GALNT17: variants seen among roughly 807,000 people sequenced by gnomAD.
The protein encoded by GALNT17 is UDP-GalNAc:polypeptide N-acetylgalactosaminyltransferase-like 3.
A neutral mutation model predicts 63.7 loss-of-function variants in GALNT17; 29 were observed. The observed-to-expected ratio is 0.46, with a 90% CI of 0.34 to 0.62. The LOEUF is 0.62. Among genes scored for constraint, GALNT17 ranks in the 20% least tolerant of loss-of-function variants. The pLI, the probability that GALNT17 is intolerant of heterozygous loss-of-function variation, is 0.01. For synonymous variants in GALNT17, 305 were observed against 318.3 expected (o/e 0.96, Z 0.45); for missense variants, 603 against 799.6 (o/e 0.75, Z 2.97).
chr7:71,249,807 G>A (rs574550998), intron 1 of GALNT17, among the ~76,000 whole-genome samples: 10 of 152,316 alleles, frequency 6.6e-5, no homozygotes, highest in African/African-American at 1.9e-4. Context: ...TATGATACTC[G>A]CTTCGCGAAG....
chr7:71,542,690 C>A, intron 5 of GALNT17, among the ~76,000 whole-genome samples: 1 of 73,710 alleles, frequency 1.4e-5, no homozygotes, highest in African/African-American at 5.7e-5. Flanking sequence ...AGTGAGACTC[C>A]CTGTCAAAAA....
intron 9 of GALNT17, among the ~76,000 whole-genome samples, chr7:71,700,140 C>T (rs1791609076): frequency 6.6e-6 from 1 of 151,600 alleles, no homozygotes; most frequent in African/African-American, 2.4e-5. Context: ...AAAAATACAA[C>T]AACAACAACA....
At chr7:71,661,829 C>T (rs1325134348) in intron 6 of GALNT17, among the ~76,000 whole-genome samples, 2 of 152,152 alleles carry the variant, frequency 1.3e-5, no homozygotes, top group Admixed American at 1.3e-4. Context: ...AGTGTGCTGG[C>T]TGATATCCAC....
intron 1 of GALNT17, among the ~76,000 whole-genome samples, chr7:71,149,870 C>T (rs1281926005): frequency 1.3e-5 from 2 of 152,122 alleles, no homozygotes; most frequent in African/African-American, 4.8e-5. Flanking sequence ...ATCATGGTGG[C>T]TTTAATTGGG....
chr7:71,675,143 C>A (rs1295210071), intron 8 of GALNT17, among the ~76,000 whole-genome samples: 11 of 152,086 alleles, frequency 7.2e-5, no homozygotes, highest in Admixed American at 7.2e-4. Flanking sequence ...GAGATTGCGC[C>A]ACTGCATTCC....
At chr7:71,201,392 G>T (rs1171678979) in intron 1 of GALNT17, among the ~76,000 whole-genome samples, 3 of 151,732 alleles carry the variant, frequency 2.0e-5, no homozygotes, top group African/African-American at 7.3e-5. Flanking sequence ...TTTATTGAGT[G>T]AATGAATGTT....
At chr7:71,586,468 A>G (rs1006792020) in intron 6 of GALNT17, among the ~76,000 whole-genome samples, 2 of 152,216 alleles carry the variant, frequency 1.3e-5, no homozygotes, top group Non-Finnish European at 2.9e-5. Flanking sequence ...TGGGACTGGT[A>G]TGAGCATTCA....
chr7:71,691,228 C>T (rs1043003040), intron 9 of GALNT17, among the ~76,000 whole-genome samples: 11 of 152,156 alleles, frequency 7.2e-5, no homozygotes, highest in Admixed American at 3.9e-4. Context: ...AACATCAAGC[C>T]GTGACCCTCC....
intron 6 of GALNT17, among the ~76,000 whole-genome samples, chr7:71,639,608 G>A (rs893283778): frequency 7.9e-5 from 12 of 152,168 alleles, no homozygotes; most frequent in South Asian, 2.1e-4. Flanking sequence ...AATTGTGAAC[G>A]GCCCGGGAAA....
intron 1 of GALNT17, among the ~76,000 whole-genome samples, chr7:71,145,385 A>G (rs570826407): frequency 6.6e-6 from 1 of 152,250 alleles, no homozygotes; most frequent in South Asian, 2.1e-4. Context: ...AGTCCCAGCT[A>G]CTCAGGAGGC....
chr7:71,324,550 T>C (rs534242569), intron 1 of GALNT17, among the ~76,000 whole-genome samples: 2 of 152,164 alleles, frequency 1.3e-5, no homozygotes, highest in South Asian at 4.2e-4. Flanking sequence ...CCCAGCTACT[T>C]GGGAGGTTGA....
chr7:71,177,166 G>A (rs1788654603), intron 1 of GALNT17, among the ~76,000 whole-genome samples: 1 of 152,056 alleles, frequency 6.6e-6, no homozygotes, highest in African/African-American at 2.4e-5. Context: ...ATATGTTCGA[G>A]GACATTTACA....
At chr7:71,399,805 A>G (rs960718919) in intron 3 of GALNT17, among the ~76,000 whole-genome samples, 1 of 151,802 alleles carries the variant, frequency 6.6e-6, no homozygotes, top group African/African-American at 2.4e-5. Flanking sequence ...AATCTTTGCC[A>G]TCTTTGTTGT....
At chr7:71,634,406 G>A (rs1790498877) in intron 6 of GALNT17, among the ~76,000 whole-genome samples, 1 of 152,194 alleles carries the variant, frequency 6.6e-6, no homozygotes, top group Non-Finnish European at 1.5e-5. Context: ...GGTGGTTGGG[G>A]CGCAGCTTGG....
At chr7:71,629,308 C>T (rs548256551) in intron 6 of GALNT17, among the ~76,000 whole-genome samples, 11 of 152,202 alleles carry the variant, frequency 7.2e-5, no homozygotes, top group East Asian at 1.9e-4. Flanking sequence ...GCATTCACAC[C>T]GTGTTCTGTT....
At chr7:71,266,953 A>AT (rs1041502657) in intron 1 of GALNT17, among the ~76,000 whole-genome samples, 7 of 152,194 alleles carry the variant, frequency 4.6e-5, no homozygotes, top group South Asian at 2.1e-4. Flanking sequence ...AAATGCTGTC[A>AT]TTTTTTAATG....
At chr7:71,709,589 T>TTG (rs111897609) in intron 9 of GALNT17, among the ~76,000 whole-genome samples, 20,272 of 150,602 alleles carry the variant, frequency 0.13, 1,538 homozygotes, top group African/African-American at 0.2. Context: ...TTTTTTTTTT[T>TTG]GTTTTTTTGG....
At chr7:71,375,877 C>T (rs1024551217) in intron 2 of GALNT17, among the ~76,000 whole-genome samples, 6 of 152,246 alleles carry the variant, frequency 3.9e-5, no homozygotes, top group African/African-American at 7.2e-5. Flanking sequence ...CAGGAGTTCA[C>T]GACCAGCCTG....
At chr7:71,677,179 TC>T in intron 8 of GALNT17, 31 bp from the exon 9 acceptor site, 1 of 1,610,588 alleles carries the variant, frequency 6.2e-7, no homozygotes, top group Non-Finnish European at 8.5e-7. Flanking sequence ...CTAGCTGAGC[TC>T]TCATGGGTCG....
Sources: gnomAD v4.1 joint callset for allele counts (sites outside exome capture counted in the v4.1 genomes callset) on GRCh38, gnomAD v4.1.1 for gene constraint, MANE v1.5 for transcripts, NCBI Gene and HGNC (gene_info 2026-07-23, HGNC 2026-07-21) for gene names.